Variants in GFOD2 observed in about 807,000 individuals in gnomAD.
The protein encoded by GFOD2 is Gfo/Idh/MocA-like oxidoreductase domain containing 2, also known as glucose-fructose oxidoreductase domain-containing protein 2.
Under a neutral mutation model 24.6 loss-of-function variants are expected in GFOD2, and 9 were observed. That is an observed-to-expected ratio of 0.37 (90% CI 0.22 to 0.64). The LOEUF is 0.64. GFOD2 is among the 30% of genes least tolerant of loss of function. GFOD2 has a pLI of 0.65. For missense variants in GFOD2, 476 were observed against 532.5 expected (o/e 0.89, Z 1.04); for synonymous variants, 211 against 224.8 (o/e 0.94, Z 0.55).
At chr16:67,705,710 G>A (rs949248190) in intron 1 of GFOD2, among the ~76,000 whole-genome samples, 3 of 151,936 alleles carry the variant, frequency 2.0e-5, no homozygotes, top group Admixed American at 6.6e-5. Context: ...AGGCCAAGGC[G>A]GGCGGATCAC....
chr16:67,711,717 C>T (rs925385428), intron 1 of GFOD2, among the ~76,000 whole-genome samples: 1 of 152,222 alleles, frequency 6.6e-6, no homozygotes, highest in African/African-American at 2.4e-5. Context: ...GCCTTCATCT[C>T]AGAAACTGGT....
At chr16:67,705,138 C>A (rs928724361) in intron 1 of GFOD2, among the ~76,000 whole-genome samples, 1 of 152,184 alleles carries the variant, frequency 6.6e-6, no homozygotes, top group African/African-American at 2.4e-5. Flanking sequence ...GTTTTCCCTG[C>A]CATGGTATCC....
chr16:67,702,028 G>A (rs8059890), intron 1 of GFOD2, among the ~76,000 whole-genome samples: 4,449 of 152,226 alleles, frequency 0.029, 209 homozygotes, highest in African/African-American at 0.1. Context: ...ACAGGGGTGG[G>A]AGAAATCCAA....
In GFOD2 at chr16:67,704,020, T is replaced by C. The variant is rs555201679; in HGVS notation, c.-88+15143A>G. ...TCCATGTTGTAGCATGTGTCAGATT[T>C]TCCTTCCTTTTATAAAGGCTGAATA... On this transcript the variant is annotated intron_variant, in intron 1 of 2. Transcript: ENST00000268797. Among the ~76,000 whole-genome samples, 30 of 152,328 alleles carry C rather than the reference T, an allele frequency of 2.0e-4. No individual in the cohort carries two copies. In the South Asian group the frequency reaches 6.0e-3, roughly 31 times the overall value.
intron 1 of GFOD2, among the ~76,000 whole-genome samples, chr16:67,710,583 C>T (rs1158486477): frequency 2.0e-5 from 3 of 151,038 alleles, no homozygotes; most frequent in South Asian, 4.2e-4. Context: ...AGGATGGTCT[C>T]GATCTCCTGA....
intron 1 of GFOD2, among the ~76,000 whole-genome samples, chr16:67,697,426 G>T (rs2053366585): frequency 6.6e-6 from 1 of 152,114 alleles, no homozygotes; most frequent in African/African-American, 2.4e-5. Context: ...GAAATATGAG[G>T]GTCATAATTC....
chr16:67,707,080 C>T (rs1458220493), intron 1 of GFOD2, among the ~76,000 whole-genome samples: 7 of 146,898 alleles, frequency 4.8e-5, no homozygotes, highest in Admixed American at 6.9e-5. Flanking sequence ...AAAAAATGTC[C>T]GGGCGCAGTG....
At chr16:67,707,046 G>A (rs180901209) in intron 1 of GFOD2, among the ~76,000 whole-genome samples, 1,525 of 144,088 alleles carry the variant, frequency 0.011, 21 homozygotes, top group Admixed American at 0.012. Flanking sequence ...GCAACAGAGC[G>A]AGACTCCATC....
At chr16:67,711,107 A>G (rs1170703316) in intron 1 of GFOD2, among the ~76,000 whole-genome samples, 1 of 152,242 alleles carries the variant, frequency 6.6e-6, no homozygotes, top group Non-Finnish European at 1.5e-5. Flanking sequence ...AAGGAAAAGT[A>G]CAATGTTCAG....
At chr16:67,681,326 G>A in intron 2 of GFOD2, 9 of 985,448 alleles carry the variant, frequency 9.1e-6, no homozygotes, top group Non-Finnish European at 1.1e-5. Flanking sequence ...ACTGCTAGGA[G>A]TTTGGTGGTG....
At chr16:67,716,909 T>A (rs2053510643) in intron 1 of GFOD2, among the ~76,000 whole-genome samples, 1 of 152,248 alleles carries the variant, frequency 6.6e-6, no homozygotes, top group Non-Finnish European at 1.5e-5. Context: ...CTTCTTTTTT[T>A]GTTTTTTGAA....
At chr16:67,681,184 C>T in intron 2 of GFOD2, 1 of 985,516 alleles carries the variant, frequency 1.0e-6, no homozygotes, top group Non-Finnish European at 1.2e-6. Flanking sequence ...GGTTCTCAGA[C>T]ACCCCACCTG....
At chr16:67,682,792 G>C in intron 2 of GFOD2, 2 of 985,272 alleles carry the variant, frequency 2.0e-6, no homozygotes, top group Non-Finnish European at 2.4e-6. Flanking sequence ...TTGGTGAAAT[G>C]TAACCAAGAT....
At chr16:67,682,208 TTG>T (rs1410106250) in intron 2 of GFOD2, 1 of 286,294 alleles carries the variant, frequency 3.5e-6, no homozygotes, top group Non-Finnish European at 5.2e-6. Flanking sequence ...CAGCTAATTT[TTG>T]TGTTTTTAGT....
intron 2 of GFOD2, chr16:67,683,150 C>G (rs1369424294): frequency 1.1e-6 from 1 of 933,686 alleles, no homozygotes; most frequent in Non-Finnish European, 1.3e-6. Context: ...TTTGTAGAGA[C>G]GGGATCCCAC....
rs1312873746 is a variant in GFOD2, at chr16:67,695,468, T to C, written c.-87-9666A>G. Among the ~76,000 whole-genome samples the C allele has an allele frequency of 2.6e-5, 4 of 152,132 alleles. No individual in the cohort carries two copies. The South Asian group carries it at 8.3e-4, about 31-fold the overall frequency. On this transcript the variant is annotated intron_variant, in intron 1 of 2. Transcript: ENST00000268797. Reference sequence around the variant, plus strand: ...AGGTGTCTTGGTTATTTACAGGTTATGGCTGTTATAGGAGCTTGACAGTGT... The same window carrying C: ...AGGTGTCTTGGTTATTTACAGGTTACGGCTGTTATAGGAGCTTGACAGTGT...
In GFOD2 at chr16:67,675,407, C is replaced by T. The variant is rs755103101; in HGVS notation, c.906G>A (p.Leu302=). 5 of 1,613,032 alleles carry T rather than the reference C, an allele frequency of 3.1e-6. No individual in the cohort carries two copies. In the African/African-American group the frequency reaches 5.3e-5, roughly 17 times the overall value. ...PEQGPQDVPL[L]YLKGMVYMVQ... ...CCATGTAGACCATGCCCTTCAGGTA[C>T]AGCAGCGGGACATCCTGGGGCCCCT... Residue 302 remains leucine, a synonymous_variant, in exon 3 of 3, where the codon CTG becomes CTA. Transcript: ENST00000268797.
chr16:67,705,613 C>G (rs1330067487), intron 1 of GFOD2, among the ~76,000 whole-genome samples: 1 of 152,112 alleles, frequency 6.6e-6, no homozygotes, highest in Non-Finnish European at 1.5e-5. Context: ...ATGAATGGAG[C>G]CTGGGTGGTT....
chr16:67,699,353 A>G (rs1331775758), intron 1 of GFOD2, among the ~76,000 whole-genome samples: 1 of 152,136 alleles, frequency 6.6e-6, no homozygotes, highest in African/African-American at 2.4e-5. Context: ...TAAAAAACAA[A>G]ACAAAACAAA....
Sources: gnomAD v4.1 joint callset for allele counts (sites outside exome capture counted in the v4.1 genomes callset) on GRCh38, gnomAD v4.1.1 for gene constraint, MANE v1.5 for transcripts, NCBI Gene and HGNC (gene_info 2026-07-23, HGNC 2026-07-21) for gene names.